The following ATF6 variants were observed in gnomAD, a reference collection of about 807,000 sequenced individuals.
The protein encoded by ATF6 is cyclic AMP-dependent transcription factor ATF-6 alpha.
In ATF6, 53 loss-of-function variants were observed where a neutral mutation model predicts 83.6. The ratio of observed to expected loss-of-function variants is 0.63; its 90% CI spans 0.51 to 0.80. The LOEUF is 0.80. Among genes scored for constraint, ATF6 ranks in the 30% least tolerant of loss-of-function variants. The probability of loss-of-function intolerance (pLI) is 0.00; values close to 1 mark genes in which losing one functional copy is unlikely to be tolerated. For missense variants in ATF6, 744 were observed against 797.9 expected (o/e 0.93, Z 0.81); for synonymous variants, 288 against 285.8 (o/e 1.01, Z -0.08).
Position 161,853,272 on chromosome 1 carries a change from G to GACCA in ATF6, c.1484_1487dup (p.Lys496AsnfsTer9). 1 of 1,613,848 alleles carries GACCA rather than the reference G, an allele frequency of 6.2e-7. No homozygotes were observed. Among genetic ancestry groups the GACCA allele is most frequent in the Non-Finnish European group, 8.5e-7 (1 of 1,179,792 alleles). Reference sequence around the variant, plus strand: ...GGGTTCATAGACATGAAGTAGAAAGGACCAAGTCAAGAAGAATGACAAATA... The same window carrying GACCA: ...GGGTTCATAGACATGAAGTAGAAAGGACCAACCAAGTCAAGAAGAATGACAAATA... On this transcript the variant is annotated frameshift_variant, in exon 12 of 16. Coordinates refer to ENST00000367942, the MANE Select transcript of ATF6 (RefSeq NM_007348.4). LOFTEE classifies it high-confidence loss of function.
intron 14 of ATF6, among the ~76,000 whole-genome samples, chr1:161,868,984 G>A (rs1334630839): frequency 6.6e-6 from 1 of 151,786 alleles, no homozygotes; most frequent in Non-Finnish European, 1.5e-5. Flanking sequence ...TTCTTTTTTG[G>A]AGAAGGGATG....
intron 14 of ATF6, among the ~76,000 whole-genome samples, chr1:161,900,228 T>G (rs1687754842): frequency 6.6e-6 from 1 of 152,218 alleles, no homozygotes; most frequent in Non-Finnish European, 1.5e-5. Flanking sequence ...GGTGATGTTT[T>G]TATAGCCAGA....
chr1:161,917,054 T>G (rs1481405734), intron 15 of ATF6, among the ~76,000 whole-genome samples: 1 of 152,220 alleles, frequency 6.6e-6, no homozygotes, highest in Non-Finnish European at 1.5e-5. Flanking sequence ...TTGTTTGTTA[T>G]GTTCGCCACT....
chr1:161,872,521 G>T (rs1368352841), intron 14 of ATF6, among the ~76,000 whole-genome samples: 1 of 151,450 alleles, frequency 6.6e-6, no homozygotes, highest in African/African-American at 2.4e-5. Flanking sequence ...GAAACACAGA[G>T]GAAATTATTA....
At chr1:161,791,991 G>A in intron 5 of ATF6, 133 bp from the exon 6 acceptor site, 2 of 802,242 alleles carry the variant, frequency 2.5e-6, no homozygotes, top group Non-Finnish European at 4.1e-6. Flanking sequence ...CTGTAGCTAT[G>A]CTTAAACTCC....
intron 14 of ATF6, among the ~76,000 whole-genome samples, chr1:161,901,194 G>T (rs1039702596): frequency 6.6e-5 from 10 of 152,100 alleles, no homozygotes; most frequent in East Asian, 3.9e-4. Flanking sequence ...ATTTGGGGTA[G>T]ATGTGCAGAT....
intron 15 of ATF6, among the ~76,000 whole-genome samples, chr1:161,928,285 G>A (rs949599224): frequency 1.3e-5 from 2 of 152,142 alleles, no homozygotes; most frequent in South Asian, 2.1e-4. Flanking sequence ...AACTAAATAC[G>A]AGTTTATGTT....
intron 15 of ATF6, among the ~76,000 whole-genome samples, chr1:161,942,363 G>A (rs769272200): frequency 1.3e-5 from 2 of 152,184 alleles, no homozygotes; most frequent in African/African-American, 4.8e-5. Context: ...GATTCCTAGG[G>A]CTCTTTTCCT....
intron 15 of ATF6, among the ~76,000 whole-genome samples, chr1:161,913,486 T>C (rs1688032161): frequency 6.6e-6 from 1 of 152,182 alleles, no homozygotes; most frequent in Non-Finnish European, 1.5e-5. Flanking sequence ...AGACAGCTTA[T>C]TAGAAATGCT....
chr1:161,878,747 C>T (rs1490315528), intron 14 of ATF6, among the ~76,000 whole-genome samples: 1 of 151,984 alleles, frequency 6.6e-6, no homozygotes, highest in African/African-American at 2.4e-5. Context: ...ACTGTTGAGA[C>T]GTTAGATAAG....
chr1:161,882,804 A>G (rs1333266655), intron 14 of ATF6, among the ~76,000 whole-genome samples: 1 of 151,630 alleles, frequency 6.6e-6, no homozygotes, highest in African/African-American at 2.4e-5. Flanking sequence ...ATATAGTAAT[A>G]TTAATAGTTA....
intron 14 of ATF6, among the ~76,000 whole-genome samples, chr1:161,881,195 G>A (rs182806511): frequency 1.3e-5 from 2 of 152,112 alleles, no homozygotes; most frequent in African/African-American, 2.4e-5. Context: ...CAGTTACTAT[G>A]GGTCAGGAGT....
chr1:161,916,399 C>T (rs572814523), intron 15 of ATF6, among the ~76,000 whole-genome samples: 1 of 152,294 alleles, frequency 6.6e-6, no homozygotes, highest in South Asian at 2.1e-4. Flanking sequence ...TATGTACACT[C>T]ACCAGATTTT....
intron 15 of ATF6, among the ~76,000 whole-genome samples, chr1:161,945,391 C>A (rs1314923010): frequency 6.6e-6 from 1 of 152,158 alleles, no homozygotes; most frequent in Non-Finnish European, 1.5e-5. Flanking sequence ...TTTTATATAT[C>A]TGCACTTGGG....
chr1:161,823,874 A>G (rs1685820850), intron 9 of ATF6, among the ~76,000 whole-genome samples: 1 of 152,178 alleles, frequency 6.6e-6, no homozygotes, highest in Admixed American at 6.5e-5. Flanking sequence ...TGCTGCCGTA[A>G]TTTATTTAAC....
At chr1:161,829,768 A>G (rs1004178153) in intron 9 of ATF6, among the ~76,000 whole-genome samples, 2 of 152,226 alleles carry the variant, frequency 1.3e-5, no homozygotes, top group African/African-American at 4.8e-5. Flanking sequence ...TTCATGCTAA[A>G]AACTCTCAAT....
chr1:161,905,805 T>G (rs986106965), intron 14 of ATF6, among the ~76,000 whole-genome samples: 1 of 152,026 alleles, frequency 6.6e-6, no homozygotes, highest in African/African-American at 2.4e-5. Context: ...TTAACTCAAG[T>G]GTTTTTGTTG....
intron 13 of ATF6, among the ~76,000 whole-genome samples, chr1:161,862,821 G>A (rs1376691900): frequency 1.3e-5 from 2 of 151,922 alleles, no homozygotes; most frequent in Non-Finnish European, 1.5e-5. Context: ...TATTCGACAG[G>A]GTGGTGAAAA....
chr1:161,819,498 C>A, intron 7 of ATF6, 135 bp from the exon 8 acceptor site: 1 of 571,706 alleles, frequency 1.7e-6, no homozygotes, highest in Non-Finnish European at 2.7e-6. Context: ...TGTTTTCAAA[C>A]CTCTTTTGAA....
Sources: gnomAD v4.1 joint callset for allele counts (sites outside exome capture counted in the v4.1 genomes callset) on GRCh38, gnomAD v4.1.1 for gene constraint, MANE v1.5 for transcripts, NCBI Gene and HGNC (gene_info 2026-07-23, HGNC 2026-07-21) for gene names.